KCTD3: variants seen among roughly 807,000 people sequenced by gnomAD.
The protein encoded by KCTD3 is potassium channel tetramerization domain containing 3, also known as BTB/POZ domain-containing protein KCTD3.
Under a neutral mutation model 85.8 loss-of-function variants are expected in KCTD3, and 41 were observed. The observed-to-expected ratio is 0.48, with a 90% CI of 0.37 to 0.62. KCTD3 has a LOEUF of 0.62. Among genes scored for constraint, KCTD3 ranks in the 20% least tolerant of loss-of-function variants. KCTD3 has a pLI of 0.00. For synonymous variants in KCTD3, 338 were observed against 345.4 expected (o/e 0.98, Z 0.24); for missense variants, 724 against 989.9 (o/e 0.73, Z 3.60).
At chr1:215,593,948 C>T (rs1247949427) in intron 9 of KCTD3, among the ~76,000 whole-genome samples, 1 of 150,668 alleles carries the variant, frequency 6.6e-6, no homozygotes, top group Non-Finnish European at 1.5e-5. Context: ...GTAACCTCTG[C>T]CTGTGGGTTT....
At chr1:215,580,186 A>G (rs1035551251) in intron 8 of KCTD3, among the ~76,000 whole-genome samples, 187 bp downstream of exon 8, 3 of 152,152 alleles carry the variant, frequency 2.0e-5, no homozygotes, top group African/African-American at 7.2e-5. Context: ...AATTTGGTAA[A>G]TGTTTCTGAT....
intron 9 of KCTD3, among the ~76,000 whole-genome samples, chr1:215,594,816 T>G (rs147684671): frequency 7.9e-5 from 12 of 152,320 alleles, no homozygotes; most frequent in African/African-American, 2.9e-4. Context: ...CCCGAATGTT[T>G]GTTTTTAGTA....
chr1:215,575,793 A>G, intron 3 of KCTD3, 108 bp from the exon 4 acceptor site: 1 of 614,578 alleles, frequency 1.6e-6, no homozygotes, highest in Non-Finnish European at 2.8e-6. Flanking sequence ...GGAAACAAGG[A>G]AATGTAGTAT....
chr1:215,568,747 A>G (rs1307397306), intron 1 of KCTD3, among the ~76,000 whole-genome samples: 1 of 152,208 alleles, frequency 6.6e-6, no homozygotes, highest in African/African-American at 2.4e-5. Context: ...TCTTAGAACC[A>G]TAGTGATAAA....
At chr1:215,602,935 CTTAAA>C (rs1420629387) in intron 12 of KCTD3, among the ~76,000 whole-genome samples, 3 of 152,128 alleles carry the variant, frequency 2.0e-5, no homozygotes, top group Non-Finnish European at 4.4e-5. Context: ...CATAGTAGGA[CTTAAA>C]TTGTATTGCT....
chr1:215,602,242 C>G (rs755803112), intron 12 of KCTD3, 41 bp downstream of exon 12: 1 of 1,004,398 alleles, frequency 1.0e-6, no homozygotes, highest in East Asian at 2.4e-5. Context: ...GACTTTTTAT[C>G]TTTTTATTCA....
rs539883348 is a variant in KCTD3 at position 215,621,321 on chromosome 1, G to A, written c.*703G>A. On this transcript the variant is annotated 3_prime_UTR_variant, in exon 18 of 18. Coordinates refer to ENST00000259154, the MANE Select transcript of KCTD3 (RefSeq NM_016121.5). ...TGGAGCAATTGTCTGTGTTTGAAAA[G>A]ATGAAATAAAAATAATAATCAAGGG... 1 of 152,242 alleles carries A rather than the reference G, an allele frequency of 6.6e-6. No individual in the cohort carries two copies. The highest frequency in any genetic ancestry group is 1.5e-5 in the Non-Finnish European group (1 of 67,954). The allele number at this position is 152,242 out of a possible 1,614,324, so 9.4% of individuals were successfully genotyped here.
chr1:215,574,003 G>A lies in KCTD3; in HGVS notation c.138-70G>A, dbSNP rs1023428342. On this transcript the variant is annotated intron_variant, in intron 2 of 17. Transcript: ENST00000259154. ...TTACTTTTAGTGGTCTTTAACATTTGGTAAAGAATTAGCACATTTGTTTAT... is the reference window on the plus strand; with the variant it reads ...TTACTTTTAGTGGTCTTTAACATTTAGTAAAGAATTAGCACATTTGTTTAT... The A allele has an allele frequency of 1.5e-5, 17 of 1,170,670 alleles. No individual in the cohort carries two copies. In the East Asian group the frequency reaches 3.1e-4, roughly 21 times the overall value. The allele number at this position is 1,170,670 out of a possible 1,614,324, so 72.5% of individuals were successfully genotyped here.
chr1:215,588,428 T>A (rs1342488237), intron 9 of KCTD3, among the ~76,000 whole-genome samples: 4 of 150,564 alleles, frequency 2.7e-5, no homozygotes, highest in African/African-American at 9.7e-5. Flanking sequence ...TTTAATTTAA[T>A]CTTTAAATCT....
At chr1:215,571,631 T>C (rs976655030) in intron 1 of KCTD3, among the ~76,000 whole-genome samples, 1 of 139,228 alleles carries the variant, frequency 7.2e-6, no homozygotes, top group African/African-American at 3.1e-5. Context: ...GAGATAAACT[T>C]TTTTTTTTTT....
rs1298211956 is a variant in KCTD3 at position 215,573,804 on chromosome 1, A to G, written c.102A>G (p.Gln34=). ...ATTGCAGATTTAGTACCTCAAGACA[A>G]ACTCTTATGTGGATTCCAGATTCTT... The part of the protein sequence containing the change: ...VGGTRFSTSR[Q]TLMWIPDSFF... Residue 34 remains glutamine (Q), a synonymous_variant, in exon 2 of 18, where the codon CAA becomes CAG. Coordinates refer to ENST00000259154, the MANE Select transcript of KCTD3 (RefSeq NM_016121.5). 1.6e-5 allele frequency: 26 copies of G among 1,577,054 alleles called. No homozygotes were observed. The highest frequency in any genetic ancestry group is 2.3e-5 in the Non-Finnish European group (26 of 1,151,846).
At chr1:215,588,752 T>C (rs1477712240) in intron 9 of KCTD3, among the ~76,000 whole-genome samples, 1 of 152,204 alleles carries the variant, frequency 6.6e-6, no homozygotes, top group Non-Finnish European at 1.5e-5. Context: ...GTCTAGCTAA[T>C]ACCAGCTGGA....
At chr1:215,597,895 T>C (rs1654667321) in intron 10 of KCTD3, among the ~76,000 whole-genome samples, 1 of 152,062 alleles carries the variant, frequency 6.6e-6, no homozygotes, top group Admixed American at 6.6e-5. Context: ...GAGAGGGGAT[T>C]GACTTTTCAG....
chr1:215,605,352 G>A (rs1224493476), intron 13 of KCTD3, among the ~76,000 whole-genome samples: 2 of 152,074 alleles, frequency 1.3e-5, no homozygotes, highest in Admixed American at 6.6e-5. Context: ...AGTATGCCTT[G>A]CTAAAACAGT....
intron 9 of KCTD3, among the ~76,000 whole-genome samples, chr1:215,591,828 G>A (rs1054380328): frequency 1.3e-5 from 2 of 152,130 alleles, no homozygotes; most frequent in Non-Finnish European, 1.5e-5. Context: ...TCAGTTCAGG[G>A]AAATCATCTG....
At chr1:215,581,604 G>A (rs555376294) in intron 8 of KCTD3, among the ~76,000 whole-genome samples, 9 of 152,132 alleles carry the variant, frequency 5.9e-5, no homozygotes, top group East Asian at 1.9e-4. Flanking sequence ...ACATTATTAC[G>A]CAAAATTTAA....
chr1:215,573,368 A>G (rs78963843), intron 1 of KCTD3, among the ~76,000 whole-genome samples: 2,332 of 152,236 alleles, frequency 0.015, 58 homozygotes, highest in African/African-American at 0.053. Context: ...AGTAAGCATG[A>G]ATTTTTTGGG....
At chr1:215,584,397 A>C (rs1194358859) in intron 8 of KCTD3, among the ~76,000 whole-genome samples, 3 of 152,238 alleles carry the variant, frequency 2.0e-5, no homozygotes, top group Non-Finnish European at 4.4e-5. Flanking sequence ...AAGAATAATT[A>C]GTTCCTATAT....
Position 215,585,444 on chromosome 1 carries a change from A to T in KCTD3, c.627-1051A>T, listed in dbSNP as rs61830035. The stretch of plus-strand genomic sequence containing the variant: ...ACATATTTAAGGGAAAATGAAGTTG[A>T]TGTATTTTTATTTAGGCCCTTAGGT... On this transcript the variant is annotated intron_variant, in intron 8 of 17. Transcript: ENST00000259154. Among the ~76,000 whole-genome samples the T allele has an allele frequency of 1.7e-3, 265 of 152,268 alleles. 1 individual carries two copies. The highest frequency in any genetic ancestry group is 2.9e-3 in the Non-Finnish European group (196 of 68,016).
Sources: gnomAD v4.1 joint callset for allele counts (sites outside exome capture counted in the v4.1 genomes callset) on GRCh38, gnomAD v4.1.1 for gene constraint, MANE v1.5 for transcripts, NCBI Gene and HGNC (gene_info 2026-07-23, HGNC 2026-07-21) for gene names.